The following CNTNAP2 variants were observed in gnomAD, a reference collection of about 807,000 sequenced individuals.
The protein encoded by CNTNAP2 is contactin associated protein 2, also known as contactin-associated protein-like 2.
In CNTNAP2, 98 loss-of-function variants were observed where a neutral mutation model predicts 155.2. The ratio of observed to expected loss-of-function variants is 0.63; its 90% CI spans 0.54 to 0.75. CNTNAP2 has a LOEUF of 0.75. Ranked by LOEUF, CNTNAP2 falls within the 30% of genes least tolerant of loss-of-function variation. The pLI is 0.00. For synonymous variants in CNTNAP2, 651 were observed against 631.2 expected (o/e 1.03, Z -0.47); for missense variants, 1,727 against 1,688.1 (o/e 1.02, Z -0.40).
chr7:147,566,249 T>C (rs938926052), intron 12 of CNTNAP2, among the ~76,000 whole-genome samples: 3 of 146,922 alleles, frequency 2.0e-5, no homozygotes, highest in South Asian at 2.2e-4. Flanking sequence ...TGAGCCATGA[T>C]CACACTACTG....
chr7:147,154,269 C>A (rs943150136), intron 8 of CNTNAP2, among the ~76,000 whole-genome samples: 2 of 152,164 alleles, frequency 1.3e-5, no homozygotes, highest in Non-Finnish European at 2.9e-5. Flanking sequence ...AGACAGAGTA[C>A]AACCATCTCA....
intron 1 of CNTNAP2, among the ~76,000 whole-genome samples, chr7:146,227,186 G>A (rs1799307300): frequency 6.6e-6 from 1 of 152,118 alleles, no homozygotes; most frequent in South Asian, 2.1e-4. Flanking sequence ...AGCTCTTTGG[G>A]AGGCCAAGGA....
chr7:146,567,408 A>G (rs1386238765), intron 1 of CNTNAP2, among the ~76,000 whole-genome samples: 1 of 152,122 alleles, frequency 6.6e-6, no homozygotes, highest in Non-Finnish European at 1.5e-5. Context: ...AGATTTGAAA[A>G]TCAATCAATT....
chr7:147,837,512 A>G (rs1418485053), intron 13 of CNTNAP2, among the ~76,000 whole-genome samples: 2 of 152,084 alleles, frequency 1.3e-5, no homozygotes, highest in African/African-American at 2.4e-5. Flanking sequence ...TTCAAAACCA[A>G]TTATGCCTTC....
chr7:148,129,097 GA>G (rs1804773183), intron 16 of CNTNAP2, among the ~76,000 whole-genome samples: 1 of 152,146 alleles, frequency 6.6e-6, no homozygotes, highest in African/African-American at 2.4e-5. Flanking sequence ...CACCCAAAGA[GA>G]TGGCTTGTCC....
intron 15 of CNTNAP2, among the ~76,000 whole-genome samples, chr7:148,071,765 C>T (rs1803387214): frequency 6.6e-6 from 1 of 152,196 alleles, no homozygotes; most frequent in African/African-American, 2.4e-5. Context: ...CCTCTGCAAT[C>T]TCTACTGTCA....
intron 18 of CNTNAP2, among the ~76,000 whole-genome samples, chr7:148,174,096 C>T (rs560180774): frequency 6.6e-6 from 1 of 152,326 alleles, no homozygotes; most frequent in South Asian, 2.1e-4. Flanking sequence ...ACACAAAAGA[C>T]ATCTAAATAT....
chr7:146,889,783 T>G (rs144673305), intron 3 of CNTNAP2, among the ~76,000 whole-genome samples: 143 of 152,288 alleles, frequency 9.4e-4, no homozygotes, highest in African/African-American at 3.0e-3. Context: ...TCATATAAAT[T>G]ACCAGGCATG....
intron 20 of CNTNAP2, among the ~76,000 whole-genome samples, chr7:148,243,808 GAAA>G: frequency 6.7e-6 from 1 of 148,170 alleles, no homozygotes; most frequent in East Asian, 2.0e-4. Flanking sequence ...AAAGAAAAAA[GAAA>G]AAAAAAACTT....
chr7:146,171,401 T>A (rs989453728), intron 1 of CNTNAP2, among the ~76,000 whole-genome samples: 3 of 152,094 alleles, frequency 2.0e-5, no homozygotes, highest in African/African-American at 7.2e-5. Flanking sequence ...CCAAAATGAA[T>A]CACATATGAC....
At chr7:147,616,600 G>A (rs376841038) in intron 12 of CNTNAP2, among the ~76,000 whole-genome samples, 16 of 151,848 alleles carry the variant, frequency 1.1e-4, no homozygotes, top group African/African-American at 2.4e-4. Context: ...ATATCATTCC[G>A]AAATTTGCTC....
chr7:146,258,745 A>G (rs1799877200), intron 1 of CNTNAP2, among the ~76,000 whole-genome samples: 1 of 152,216 alleles, frequency 6.6e-6, no homozygotes, highest in Admixed American at 6.5e-5. Context: ...CTCAGAGATG[A>G]GCCATTCTTT....
intron 15 of CNTNAP2, among the ~76,000 whole-genome samples, chr7:148,029,397 G>A (rs1802429422): frequency 6.6e-6 from 1 of 152,138 alleles, no homozygotes; most frequent in Admixed American, 6.5e-5. Flanking sequence ...AACAATAGGT[G>A]TGAATCTCTT....
intron 1 of CNTNAP2, among the ~76,000 whole-genome samples, chr7:146,695,239 A>G (rs1800762832): frequency 6.6e-6 from 1 of 152,116 alleles, no homozygotes; most frequent in South Asian, 2.1e-4. Flanking sequence ...GTAGATATCT[A>G]TTATCAAGTA....
Position 147,715,186 on chromosome 7 carries a change from A to G in CNTNAP2, c.2098+75880A>G, listed in dbSNP as rs142683529. On this transcript the variant is annotated intron_variant, in intron 13 of 23. Transcript: ENST00000361727. ...ATTAAGTCTTCCTTTATCTAGGACA[A>G]ATGTCCACATGTATAATTCCTGGAT... Among the ~76,000 whole-genome samples, 572 of 152,234 alleles carry G rather than the reference A, an allele frequency of 3.8e-3. 1 individual carries two copies. The highest frequency in any genetic ancestry group is 6.0e-3 in the Non-Finnish European group (406 of 67,974).
intron 10 of CNTNAP2, among the ~76,000 whole-genome samples, chr7:147,469,663 C>CAT: frequency 6.6e-6 from 1 of 151,490 alleles, no homozygotes; most frequent in East Asian, 2.0e-4. Context: ...GGACTACAGG[C>CAT]GCCCGCCACC....
rs146745127 is a variant in CNTNAP2 at position 148,048,363 on chromosome 7, G to A, written c.2384-69755G>A. Among the ~76,000 whole-genome samples, 720 of 152,192 alleles carry A rather than the reference G, an allele frequency of 4.7e-3. 5 individuals are homozygous for A. Among genetic ancestry groups the A allele is most frequent in the African/African-American group, 0.017 (689 of 41,536 alleles). ...TTCATAACAATTATCTTTTATAAATGTTCAATTTAAAAATGAAAAACTTCC... is the reference window on the plus strand; with the variant it reads ...TTCATAACAATTATCTTTTATAAATATTCAATTTAAAAATGAAAAACTTCC... On this transcript the variant is annotated intron_variant, in intron 15 of 23. Coordinates refer to ENST00000361727, the MANE Select transcript of CNTNAP2 (RefSeq NM_014141.6).
At chr7:148,021,530 T>G (rs994971077) in intron 15 of CNTNAP2, among the ~76,000 whole-genome samples, 2 of 151,972 alleles carry the variant, frequency 1.3e-5, no homozygotes, top group Non-Finnish European at 2.9e-5. Context: ...GGTGCCAGAG[T>G]GGAGAAAACA....
chr7:146,710,375 CCTGA>C (rs1200221610), intron 1 of CNTNAP2, among the ~76,000 whole-genome samples: 11 of 152,216 alleles, frequency 7.2e-5, no homozygotes, highest in Middle Eastern at 3.4e-3. Context: ...GGACAAGAGG[CCTGA>C]CTGTTTCCTA....
Sources: gnomAD v4.1 joint callset for allele counts (sites outside exome capture counted in the v4.1 genomes callset) on GRCh38, gnomAD v4.1.1 for gene constraint, MANE v1.5 for transcripts, NCBI Gene and HGNC (gene_info 2026-07-23, HGNC 2026-07-21) for gene names.